MLLT10: variants seen among roughly 807,000 people sequenced by gnomAD.
MLLT10 encodes protein AF-10.
A neutral mutation model predicts 129.1 loss-of-function variants in MLLT10; 30 were observed. The observed-to-expected ratio is 0.23, with a 90% CI of 0.17 to 0.32. The LOEUF is 0.32. Ranked by LOEUF, MLLT10 falls within the 10% of genes least tolerant of loss-of-function variation. The probability of loss-of-function intolerance (pLI) is 1.00; values close to 1 mark genes in which losing one functional copy is unlikely to be tolerated. For missense variants in MLLT10, 1,119 were observed against 1,268.3 expected (o/e 0.88, Z 1.79); for synonymous variants, 490 against 446.4 (o/e 1.10, Z -1.23).
intron 20 of MLLT10, 113 bp from the exon 21 acceptor site, chr10:21,735,026 G>T (rs2058250134): frequency 5.5e-6 from 4 of 726,820 alleles, no homozygotes; most frequent in South Asian, 1.8e-5. Context: ...TTTGGATTCA[G>T]AATTGTACTT....
intron 13 of MLLT10, among the ~76,000 whole-genome samples, chr10:21,684,092 C>A (rs763864037): frequency 6.6e-5 from 10 of 151,990 alleles, no homozygotes; most frequent in Non-Finnish European, 1.5e-4. Context: ...GTCATTGCAA[C>A]CTTCAACTCC....
chr10:21,591,623 CTA>C (rs1035692291), intron 4 of MLLT10, among the ~76,000 whole-genome samples: 6 of 151,662 alleles, frequency 4.0e-5, no homozygotes, highest in Non-Finnish European at 8.8e-5. Flanking sequence ...ATATCTCTTC[CTA>C]TATATATATA....
chr10:21,734,950 GCTGTACA>G lies in MLLT10; in HGVS notation c.2859-187_2859-181del, dbSNP rs2058244162. Among the ~76,000 whole-genome samples, 6 of 152,184 alleles carry G rather than the reference GCTGTACA, an allele frequency of 3.9e-5. No individual in the cohort carries two copies. In the South Asian group the frequency reaches 1.2e-3, roughly 32 times the overall value. The stretch of plus-strand genomic sequence containing the variant: ...TCTTGACAATGTGAATTCTTGTTTA[GCTGTACA>G]CATGGATGTATATAAACATACATAT... On this transcript the variant is annotated intron_variant, in intron 20 of 22. Transcript: ENST00000307729.
intron 3 of MLLT10, among the ~76,000 whole-genome samples, chr10:21,580,666 A>T (rs2041321323): frequency 6.6e-6 from 1 of 151,902 alleles, no homozygotes; most frequent in Admixed American, 6.6e-5. Flanking sequence ...CTGGGATTAC[A>T]GGCGTGAGCC....
At chr10:21,683,946 G>A (rs1341370740) in intron 13 of MLLT10, among the ~76,000 whole-genome samples, 6 of 151,636 alleles carry the variant, frequency 4.0e-5, no homozygotes, top group Non-Finnish European at 7.4e-5. Flanking sequence ...ATTATTGATT[G>A]GAATCTTTTA....
chr10:21,609,625 T>G (rs2044394524), intron 5 of MLLT10, among the ~76,000 whole-genome samples: 1 of 152,162 alleles, frequency 6.6e-6, no homozygotes, highest in Admixed American at 6.5e-5. Flanking sequence ...TTGCTGTCTT[T>G]CTCTAGTTCA....
chr10:21,726,346 A>C lies in MLLT10; in HGVS notation c.1981A>C (p.Asn661His), dbSNP rs1005341420. ...AGCTCTTATAGCTCAGTCTGAAAAC[A>C]ATCAAACAGGTAAGTTTTCAAGAAT... ...MAALIAQSEN[N>H]QTDQDLGDNS... Residue 661 changes from asparagine (N) to histidine (H), a missense_variant, in exon 15 of 23, where the codon AAT becomes CAT. Asn to His is a moderately conservative substitution (Grantham distance 68, BLOSUM62 1). Coordinates refer to ENST00000307729, the MANE Select transcript of MLLT10 (RefSeq NM_001195626.3). 3.1e-6 allele frequency: 5 copies of C among 1,605,354 alleles called. No individual in the cohort carries two copies. The highest frequency in any genetic ancestry group is 4.3e-6 in the Non-Finnish European group (5 of 1,172,962).
chr10:21,543,269 C>T (rs1413288318), intron 3 of MLLT10, among the ~76,000 whole-genome samples: 1 of 151,424 alleles, frequency 6.6e-6, no homozygotes, highest in Non-Finnish European at 1.5e-5. Context: ...TACAGACATG[C>T]GTCACCATGC....
chr10:21,707,380 A>G (rs2055630029), intron 13 of MLLT10, among the ~76,000 whole-genome samples: 1 of 151,322 alleles, frequency 6.6e-6, no homozygotes, highest in Non-Finnish European at 1.5e-5. Context: ...TTTAGTAGAG[A>G]CGGGGTTTCA....
chr10:21,640,162 A>T (rs2047845077), intron 8 of MLLT10, among the ~76,000 whole-genome samples: 1 of 146,066 alleles, frequency 6.8e-6, no homozygotes, highest in African/African-American at 2.5e-5. Flanking sequence ...ATGTATACAT[A>T]TATATTATAT....
intron 9 of MLLT10, among the ~76,000 whole-genome samples, chr10:21,659,793 G>A (rs1025615439): frequency 6.6e-6 from 1 of 152,156 alleles, no homozygotes; most frequent in Non-Finnish European, 1.5e-5. Flanking sequence ...TTACAGGTGA[G>A]CCACAATGCC....
chr10:21,724,068 G>A (rs566356327), intron 14 of MLLT10, among the ~76,000 whole-genome samples: 9 of 152,258 alleles, frequency 5.9e-5, no homozygotes, highest in African/African-American at 1.9e-4. Flanking sequence ...TGAACAGCAC[G>A]ATCTTCATGT....
At chr10:21,588,663 T>TTAG (rs1393699983) in intron 4 of MLLT10, among the ~76,000 whole-genome samples, 1 of 152,160 alleles carries the variant, frequency 6.6e-6, no homozygotes, top group African/African-American at 2.4e-5. Context: ...AAAAAAGCTG[T>TTAG]TCTACATACC....
intron 13 of MLLT10, among the ~76,000 whole-genome samples, chr10:21,701,410 G>GT (rs1241042968): frequency 6.7e-6 from 1 of 149,444 alleles, no homozygotes; most frequent in African/African-American, 2.5e-5. Flanking sequence ...TCATTAGATT[G>GT]TTTATTTGCA....
chr10:21,534,878 A>G (rs1279109327), intron 2 of MLLT10, 74 bp downstream of exon 2: 4 of 1,067,524 alleles, frequency 3.7e-6, no homozygotes, highest in African/African-American at 1.7e-5. Flanking sequence ...CTGGGCCGCA[A>G]CCGCCGGCGC....
chr10:21,549,930 C>T (rs542721056), intron 3 of MLLT10, among the ~76,000 whole-genome samples: 40 of 152,224 alleles, frequency 2.6e-4, no homozygotes, highest in South Asian at 6.2e-4. Context: ...TGAGCCATCG[C>T]GCCTAGCTCT....
rs1184673773 is a variant in MLLT10, at chr10:21,549,421, T to C, written c.240+10509T>C. The stretch of plus-strand genomic sequence containing the variant: ...CACTGCACCCGTCCAGTTATTCTTT[T>C]ACTTAAAAGCAAAAGGCATTTTGAA... On this transcript the variant is annotated intron_variant, in intron 3 of 22. Coordinates refer to ENST00000307729, the MANE Select transcript of MLLT10 (RefSeq NM_001195626.3). 2.0e-5 allele frequency among the ~76,000 whole-genome samples: 3 copies of C among 152,128 alleles called. No homozygotes were observed. The East Asian group carries it at 5.8e-4, about 29-fold the overall frequency.
upstream of MLLT10, among the ~76,000 whole-genome samples, chr10:21,533,972 G>A (rs2033280759): frequency 6.6e-6 from 1 of 152,092 alleles, no homozygotes; most frequent in African/African-American, 2.4e-5. Flanking sequence ...CTCACACGCG[G>A]CCCGCGCCAC....
At chr10:21,553,205 ATTGT>A (rs1262059058) in intron 3 of MLLT10, among the ~76,000 whole-genome samples, 2 of 152,002 alleles carry the variant, frequency 1.3e-5, no homozygotes, top group African/African-American at 4.8e-5. Flanking sequence ...ATCTTACTTG[ATTGT>A]TTGACAGAAT....
Sources: allele counts gnomAD v4.1 joint callset (sites outside exome capture counted in the v4.1 genomes callset), GRCh38; gene constraint gnomAD v4.1.1; transcripts MANE v1.5; gene names NCBI Gene and HGNC (gene_info 2026-07-23, HGNC 2026-07-21).